NR4A1: variants seen among roughly 807,000 people sequenced by gnomAD.
NR4A1 encodes the protein nuclear receptor subfamily 4 group A member 1.
A neutral mutation model predicts 47.5 loss-of-function variants in NR4A1; 24 were observed. The observed-to-expected ratio is 0.50, with a 90% CI of 0.37 to 0.71. The LOEUF (loss-of-function observed/expected upper bound fraction) is 0.71, where lower values mean the gene tolerates loss of function less well. NR4A1 is among the 30% of genes least tolerant of loss of function. The pLI, the probability that NR4A1 is intolerant of heterozygous loss-of-function variation, is 0.00. For synonymous variants in NR4A1, 353 were observed against 345.7 expected (o/e 1.02, Z -0.24); for missense variants, 669 against 788.6 (o/e 0.85, Z 1.82).
At chr12:52,023,349 C>G (rs1937923401) in intron 1 of NR4A1, among the ~76,000 whole-genome samples, 1 of 152,196 alleles carries the variant, frequency 6.6e-6, no homozygotes, top group Admixed American at 6.5e-5. Context: ...CAGAGGCGAG[C>G]TCCCTCCTGG....
In NR4A1 at chr12:52,059,259, G is replaced by C; in HGVS notation, c.*315G>C. The C allele has an allele frequency of 3.5e-6, 1 of 281,790 alleles. No homozygotes were observed. The highest frequency in any genetic ancestry group is 6.6e-6 in the Non-Finnish European group (1 of 152,054). The allele number at this position is 281,790 out of a possible 1,614,324, so 17.5% of individuals were successfully genotyped here. A position where few individuals can be genotyped will look rare whatever the true frequency, so the allele number is the denominator to read the frequency against. On this transcript the variant is annotated 3_prime_UTR_variant, in exon 7 of 7. Coordinates refer to ENST00000394825, the MANE Select transcript of NR4A1 (RefSeq NM_173157.3). Reference sequence around the variant, plus strand: ...GTGCTGCTGTAAATACAGGAAGAAAGAGCTTGAGGTGGGAGCGGGGCTGGG... The same window carrying C: ...GTGCTGCTGTAAATACAGGAAGAAACAGCTTGAGGTGGGAGCGGGGCTGGG...
chr12:52,030,890 C>T (rs1938110685), intron 1 of NR4A1, among the ~76,000 whole-genome samples: 1 of 152,176 alleles, frequency 6.6e-6, no homozygotes, highest in African/African-American at 2.4e-5. Context: ...CCAGCTCTGT[C>T]CCCCTTAGTC....
intron 1 of NR4A1, chr12:52,037,544 T>G: frequency 1.0e-6 from 1 of 968,288 alleles, no homozygotes; most frequent in Non-Finnish European, 1.2e-6. Flanking sequence ...CACGCCGGAG[T>G]CCCGCTTGGA....
chr12:52,037,310 G>A, intron 1 of NR4A1: 21 of 945,316 alleles, frequency 2.2e-5, no homozygotes, highest in Non-Finnish European at 2.6e-5. Flanking sequence ...GGAACTGGCG[G>A]GGGTCCCCTC....
At chr12:52,055,963 C>T (rs1258172348) in intron 2 of NR4A1, 67 bp from the exon 3 acceptor site, 1 of 718,590 alleles carries the variant, frequency 1.4e-6, no homozygotes, top group Non-Finnish European at 2.1e-6. Flanking sequence ...GGACGGTCCC[C>T]TCCCCTAAGT....
At position 52,055,102 on chromosome 12, in the gene NR4A1, G is replaced by T. The variant is rs746689109; in HGVS notation, c.774G>T (p.Gly258=). ...TGACCTCAACCAAGGCCCGGAGCGG[G>T]GCCCCAGGTGGAAGTGAAGGCCGCT... ...TPVTSTKARS[G]APGGSEGRCA... Residue 258 remains glycine (G), a synonymous_variant, in exon 2 of 7, where the codon GGG becomes GGT. Coordinates refer to ENST00000394825, the MANE Select transcript of NR4A1 (RefSeq NM_173157.3). The T allele has an allele frequency of 4.6e-5, 75 of 1,614,126 alleles. No individual in the cohort carries two copies. The South Asian group carries it at 8.0e-4, about 17-fold the overall frequency.
At chr12:52,027,339 G>T (rs966318186) in intron 1 of NR4A1, among the ~76,000 whole-genome samples, 2 of 152,262 alleles carry the variant, frequency 1.3e-5, no homozygotes, top group African/African-American at 4.8e-5. Flanking sequence ...GGGTTACCCA[G>T]CTCTCCCTGG....
intron 1 of NR4A1, 103 bp from the exon 2 acceptor site, chr12:52,054,224 T>G: frequency 1.0e-6 from 1 of 991,870 alleles, no homozygotes; most frequent in Non-Finnish European, 1.5e-6. Context: ...TAGGCTGGGA[T>G]TCCTGCCACC....
Position 52,027,254 on chromosome 12 carries a change from G to A in NR4A1, c.-84+4315G>A, listed in dbSNP as rs532835549. 7.9e-5 allele frequency among the ~76,000 whole-genome samples: 12 copies of A among 152,344 alleles called. No individual in the cohort carries two copies. In the East Asian group the frequency reaches 2.3e-3, roughly 29 times the overall value. On this transcript the variant is annotated intron_variant, in intron 1 of 7. Transcript: ENST00000360284. The stretch of plus-strand genomic sequence containing the variant: ...GGCTGTACCGGCTGGGCTGGGAGAC[G>A]TGATGAATGGTCCCCAGGAGCATCA...
intron 1 of NR4A1, among the ~76,000 whole-genome samples, chr12:52,052,300 TGTGTGA>T (rs764086509): frequency 8.3e-4 from 113 of 135,608 alleles, no homozygotes; most frequent in African/African-American, 2.8e-3. Context: ...TGTGTGTGTG[TGTGTGA>T]GAGAGAGAGA....
intron 1 of NR4A1, among the ~76,000 whole-genome samples, chr12:52,052,834 C>T (rs1939056694): frequency 6.6e-6 from 1 of 152,228 alleles, no homozygotes; most frequent in Non-Finnish European, 1.5e-5. Flanking sequence ...TGTCCTAGTG[C>T]AGGCAGATGT....
chr12:52,037,568 G>T lies in NR4A1; in HGVS notation c.-83-4242G>T, dbSNP rs566016622. 322 of 982,820 alleles carry T rather than the reference G, an allele frequency of 3.3e-4. 6 individuals are homozygous for T. In the Admixed American group the frequency reaches 0.019, roughly 58 times the overall value. The allele number at this position is 982,820 out of a possible 1,614,324, so 60.9% of individuals were successfully genotyped here. A position where few individuals can be genotyped will look rare whatever the true frequency, so the allele number is the denominator to read the frequency against. ...GTCCCGCTTGGAAACTGGGGAGTCGGGGGGGGGACTGGATTCCCAGCGGAA... is the reference window on the plus strand; with the variant it reads ...GTCCCGCTTGGAAACTGGGGAGTCGTGGGGGGGACTGGATTCCCAGCGGAA... On this transcript the variant is annotated intron_variant, in intron 1 of 7. Transcript: ENST00000360284.
rs753791378 is a variant in NR4A1 at position 52,051,467 on chromosome 12, C to T, written c.-104C>T. On this transcript the variant is annotated 5_prime_UTR_variant, in exon 1 of 7. Transcript: ENST00000394825. ...AGTCCCAGTGGCGGAGGCTACGAAA[C>T]TTGGGGGAGTGCACAGAAGAACTTC... 9 of 985,442 alleles carry T rather than the reference C, an allele frequency of 9.1e-6. No homozygotes were observed. The African/African-American group carries it at 1.4e-4, about 15-fold the overall frequency. The allele number at this position is 985,442 out of a possible 1,614,324, so 61.0% of individuals were successfully genotyped here.
intron 1 of NR4A1, among the ~76,000 whole-genome samples, chr12:52,027,515 G>A (rs1938022601): frequency 6.6e-6 from 1 of 152,250 alleles, no homozygotes; most frequent in Non-Finnish European, 1.5e-5. Flanking sequence ...GGGAGCCAGG[G>A]CCTTGCCCAG....
intron 1 of NR4A1, chr12:52,054,072 C>T: frequency 1.9e-6 from 1 of 519,452 alleles, no homozygotes; most frequent in Admixed American, 3.6e-5. Flanking sequence ...CCCAGGCTGA[C>T]TAGGGTGTGG....
intron 1 of NR4A1, chr12:52,037,650 C>A: frequency 1.0e-6 from 1 of 985,506 alleles, no homozygotes; most frequent in African/African-American, 1.7e-5. Context: ...CTCCCCAGTC[C>A]GCCAAGGGTG....
intron 1 of NR4A1, among the ~76,000 whole-genome samples, chr12:52,041,072 A>G (rs905303330): frequency 1.3e-5 from 2 of 152,208 alleles, no homozygotes; most frequent in Non-Finnish European, 1.5e-5. Flanking sequence ...ACCTTGGACT[A>G]GGAACCAGGG....
chr12:52,050,868 C>A (rs565495610), upstream of NR4A1, among the ~76,000 whole-genome samples: 1 of 152,192 alleles, frequency 6.6e-6, no homozygotes, highest in Non-Finnish European at 1.5e-5. Context: ...CTGTCCTGAC[C>A]GCCCAGCAGC....
chr12:52,056,815 C>T (rs1234409110), intron 4 of NR4A1, 170 bp downstream of exon 4: 3 of 909,628 alleles, frequency 3.3e-6, no homozygotes, highest in Admixed American at 3.0e-5. Flanking sequence ...AGAGGATCCC[C>T]CTCTCGGCTG....
Sources: allele counts gnomAD v4.1 joint callset (sites outside exome capture counted in the v4.1 genomes callset), GRCh38; gene constraint gnomAD v4.1.1; transcripts MANE v1.5; gene names NCBI Gene and HGNC (gene_info 2026-07-23, HGNC 2026-07-21).